RBFOX1: variants seen among roughly 807,000 people sequenced by gnomAD.
The protein encoded by RBFOX1 is RNA binding protein fox-1 homolog 1.
A neutral mutation model predicts 57.7 loss-of-function variants in RBFOX1; 8 were observed. The ratio of observed to expected loss-of-function variants is 0.14; its 90% CI spans 0.08 to 0.25. The LOEUF is 0.25. RBFOX1 is among the 10% of genes least tolerant of loss of function. The pLI, the probability that RBFOX1 is intolerant of heterozygous loss-of-function variation, is 1.00. For missense variants in RBFOX1, 611 were observed against 548.5 expected, an observed-to-expected ratio of 1.11 and a Z score of -1.14; for synonymous variants, 326 against 222.4, an observed-to-expected ratio of 1.47 and a Z score of -4.15.
intron 4 of RBFOX1, among the ~76,000 whole-genome samples, chr16:7,330,054 TTATAA>T (rs1473842693): frequency 2.0e-5 from 3 of 152,138 alleles, no homozygotes; most frequent in Admixed American, 6.5e-5. Context: ...AAGTATAACA[TTATAA>T]TATAATCTGA....
At chr16:6,654,985 A>G (rs1040476318) in intron 3 of RBFOX1, among the ~76,000 whole-genome samples, 3 of 76,648 alleles carry the variant, frequency 3.9e-5, no homozygotes, top group Non-Finnish European at 5.5e-5. Context: ...TGTGTGTATC[A>G]TATGTATAAT....
chr16:6,669,467 A>G (rs746712831), intron 3 of RBFOX1, among the ~76,000 whole-genome samples: 3 of 152,148 alleles, frequency 2.0e-5, no homozygotes, highest in African/African-American at 4.8e-5. Context: ...GAGGTTTTTC[A>G]TATTTTCTTT....
intron 1 of RBFOX1, among the ~76,000 whole-genome samples, chr16:6,029,935 C>T (rs1453128008): frequency 1.3e-5 from 2 of 152,150 alleles, no homozygotes; most frequent in South Asian, 2.1e-4. Flanking sequence ...TTTTTTGAGA[C>T]AGAGAGTCTC....
intron 3 of RBFOX1, among the ~76,000 whole-genome samples, chr16:5,833,458 G>A (rs111409479): frequency 0.023 from 3,301 of 142,702 alleles, 125 homozygotes; most frequent in African/African-American, 0.084. Context: ...CCGCACCACT[G>A]CACTCCAGCC....
chr16:6,983,405 A>G (rs138985494), intron 3 of RBFOX1, among the ~76,000 whole-genome samples: 4 of 151,128 alleles, frequency 2.6e-5, no homozygotes, highest in African/African-American at 9.7e-5. Flanking sequence ...ATCGAGAATG[A>G]TATAATTATC....
intron 4 of RBFOX1, among the ~76,000 whole-genome samples, chr16:7,276,529 A>G (rs993675344): frequency 6.6e-6 from 1 of 152,194 alleles, no homozygotes; most frequent in African/African-American, 2.4e-5. Flanking sequence ...GGGAAATCTA[A>G]GTAGGAGGCT....
chr16:7,036,390 A>G lies in RBFOX1; in HGVS notation c.-15-15667A>G, dbSNP rs11865977. Among the ~76,000 whole-genome samples the G allele has an allele frequency of 9.7e-3, 1,472 of 152,216 alleles. 27 individuals carry two copies. The highest frequency in any genetic ancestry group is 0.033 in the African/African-American group (1,386 of 41,514). On this transcript the variant is annotated intron_variant, in intron 3 of 15. Transcript: ENST00000550418. ...AAGGGGTCCCAATGCAGATCCCCAG[A>G]TAGGGTTCTTGGATCTCCCTCAAGA...
rs373833208 is a variant in RBFOX1, at chr16:7,643,928, G to T, written c.758-9887G>T. Among the ~76,000 whole-genome samples the T allele has an allele frequency of 8.5e-5, 13 of 152,104 alleles. 1 individual carries two copies. Among genetic ancestry groups the T allele is most frequent in the Admixed American group, 5.2e-4 (8 of 15,260 alleles). ...AGAAGCATATTGAGATCTCTGGGAG[G>T]ACTGTCAACAGATTCCCCTGCAAAT... On this transcript the variant is annotated intron_variant, in intron 11 of 15. Transcript: ENST00000550418.
chr16:7,045,435 G>A (rs1348680016), intron 3 of RBFOX1, among the ~76,000 whole-genome samples: 1 of 152,020 alleles, frequency 6.6e-6, no homozygotes, highest in Non-Finnish European at 1.5e-5. Context: ...TCCTTATTTG[G>A]CTTCATTTGA....
At chr16:6,856,894 C>T (rs915178183) in intron 3 of RBFOX1, among the ~76,000 whole-genome samples, 64 of 150,778 alleles carry the variant, frequency 4.2e-4, no homozygotes, top group African/African-American at 1.5e-3. Context: ...ATGTTAGAGA[C>T]AGAGAAAGGG....
chr16:6,059,970 C>T (rs931862558), intron 1 of RBFOX1, among the ~76,000 whole-genome samples: 9 of 152,072 alleles, frequency 5.9e-5, no homozygotes, highest in African/African-American at 1.9e-4. Context: ...GACATTCTGG[C>T]TCAGGAAGTG....
chr16:7,134,817 C>A (rs1010630616), intron 4 of RBFOX1, among the ~76,000 whole-genome samples: 1 of 152,098 alleles, frequency 6.6e-6, no homozygotes, highest in African/African-American at 2.4e-5. Context: ...ACATAGCATG[C>A]AGATAATGTT....
At chr16:6,925,224 C>T (rs564366340) in intron 3 of RBFOX1, among the ~76,000 whole-genome samples, 14 of 137,532 alleles carry the variant, frequency 1.0e-4, no homozygotes, top group Admixed American at 5.6e-4. Flanking sequence ...GCCTCTGCCT[C>T]CCGGGCTCAA....
chr16:7,570,119 T>C (rs1159898794), intron 5 of RBFOX1, among the ~76,000 whole-genome samples: 1 of 151,516 alleles, frequency 6.6e-6, no homozygotes, highest in Admixed American at 6.6e-5. Context: ...GTTGAAATAA[T>C]ATCCTTAATA....
intron 5 of RBFOX1, among the ~76,000 whole-genome samples, chr16:7,570,716 AC>A (rs1343061218): frequency 6.6e-6 from 1 of 152,220 alleles, no homozygotes; most frequent in Non-Finnish European, 1.5e-5. Flanking sequence ...ATACCATTTT[AC>A]CTGGCAATCC....
chr16:7,335,014 T>G (rs1013387492), intron 4 of RBFOX1, among the ~76,000 whole-genome samples: 11 of 152,188 alleles, frequency 7.2e-5, no homozygotes, highest in African/African-American at 2.7e-4. Flanking sequence ...ACTGGAAAGC[T>G]AACACACAGA....
At chr16:5,702,656 A>G (rs1360268476) in intron 3 of RBFOX1, among the ~76,000 whole-genome samples, 2 of 152,228 alleles carry the variant, frequency 1.3e-5, no homozygotes, top group African/African-American at 2.4e-5. Context: ...TATAACCTCA[A>G]TGAATGTTAA....
rs115655050 is a variant in RBFOX1, at chr16:5,787,950, C to G, written c.319-79353C>G. Among the ~76,000 whole-genome samples, 563 of 152,338 alleles carry G rather than the reference C, an allele frequency of 3.7e-3. 4 individuals are homozygous for G. Among genetic ancestry groups the G allele is most frequent in the African/African-American group, 0.013 (527 of 41,578 alleles). The stretch of plus-strand genomic sequence containing the variant: ...GGGCAGAGACAAGAGAGAGGCAGAG[C>G]TGGGCTCCAGACTGTTCAATTCTGA... On this transcript the variant is annotated intron_variant, in intron 3 of 19. Transcript: ENST00000641259.
At chr16:5,279,040 C>T (rs2063208575) in intron 1 of RBFOX1, among the ~76,000 whole-genome samples, 1 of 151,940 alleles carries the variant, frequency 6.6e-6, no homozygotes, top group African/African-American at 2.4e-5. Context: ...TAGCTTTGTT[C>T]TTTTTGCTCA....
Sources: allele counts gnomAD v4.1 joint callset (sites outside exome capture counted in the v4.1 genomes callset), GRCh38; gene constraint gnomAD v4.1.1; transcripts MANE v1.5; gene names NCBI Gene and HGNC (gene_info 2026-07-23, HGNC 2026-07-21).